The following RPS6KA6 variants were observed in gnomAD, a reference collection of about 807,000 sequenced individuals.
RPS6KA6 encodes the protein ribosomal protein S6 kinase alpha-6.
RPS6KA6 carries 27 observed loss-of-function variants against 65.4 expected under a neutral mutation model. The observed-to-expected ratio is 0.41, with a 90% CI of 0.30 to 0.57. The LOEUF (loss-of-function observed/expected upper bound fraction) is 0.57. RPS6KA6 is among the 20% of genes least tolerant of loss of function. RPS6KA6 has a pLI of 0.24. For missense variants in RPS6KA6, 486 were observed against 555.6 expected (o/e 0.87, Z 1.26); for synonymous variants, 190 against 184.2 (o/e 1.03, Z -0.26).
At chrX:84,076,630 A>T (rs934363849) in intron 20 of RPS6KA6, among the ~76,000 whole-genome samples, 3 of 111,736 alleles carry the variant, frequency 2.7e-5, no homozygotes, top group Non-Finnish European at 5.7e-5. Flanking sequence ...ATCAAACCAG[A>T]AACAAAATGG....
At chrX:84,158,373 C>G (rs1299264464) in intron 2 of RPS6KA6, among the ~76,000 whole-genome samples, 1 of 109,751 alleles carries the variant, frequency 9.1e-6, no homozygotes, top group Admixed American at 9.7e-5. Context: ...TAAAATTAAA[C>G]AATAAGAAAT....
At chrX:84,144,252 C>G (rs1335648923) in intron 6 of RPS6KA6, among the ~76,000 whole-genome samples, 1 of 110,694 alleles carries the variant, frequency 9.0e-6, no homozygotes, top group Non-Finnish European at 1.9e-5. Context: ...AAACTATAGA[C>G]CAGAAGAAAA....
intron 16 of RPS6KA6, 27 bp downstream of exon 16, chrX:84,105,760 C>G (rs2034346998): frequency 1.1e-6 from 1 of 873,884 alleles, no homozygotes; most frequent in East Asian, 3.2e-5. Flanking sequence ...ATTAGCTTAG[C>G]TGATACCTAG....
chrX:84,148,150 A>C (rs771187929), intron 3 of RPS6KA6, 27 bp from the exon 4 acceptor site: 1 of 1,004,328 alleles, frequency 1.0e-6, no homozygotes, highest in East Asian at 3.1e-5. Flanking sequence ...CAAAAAAAAA[A>C]AGGAAAATTC....
Position 84,061,251 on chromosome X carries a change from C to CA in RPS6KA6, c.*3025dup, listed in dbSNP as rs1482054434. On this transcript the variant is annotated 3_prime_UTR_variant, in exon 22 of 22. Transcript: ENST00000262752. ...AGACCTCTATCTAGAAAATACTAGT[C>CA]AATCTGTATGGAAGTTTCTCTGGGC... is the stretch of plus-strand genomic sequence containing the variant. 1 of 112,062 alleles carries CA rather than the reference C, an allele frequency of 8.9e-6. No homozygotes were observed. The highest frequency in any genetic ancestry group is 1.9e-5 in the Non-Finnish European group (1 of 53,125). The allele number at this position is 112,062 out of a possible 1,213,427, so 9.2% of individuals were successfully genotyped here.
Position 84,153,524 on chromosome X carries a change from T to A in RPS6KA6, c.258+2551A>T, listed in dbSNP as rs185602191. Among the ~76,000 whole-genome samples the A allele has an allele frequency of 2.2e-3, 250 of 111,921 alleles. 1 individual carries two copies. The highest frequency in any genetic ancestry group is 4.7e-3 in the Admixed American group (49 of 10,481). ...TGCTTCCTTAAACTACAATTTTAAGTTGACTTTAGCAGGGTTCCCCCACTG... is the reference window on the plus strand; with the variant it reads ...TGCTTCCTTAAACTACAATTTTAAGATGACTTTAGCAGGGTTCCCCCACTG... On this transcript the variant is annotated intron_variant, in intron 3 of 21. Coordinates refer to ENST00000262752, the MANE Select transcript of RPS6KA6 (RefSeq NM_014496.5).
At chrX:84,114,042 G>T (rs751290284) in intron 12 of RPS6KA6, among the ~76,000 whole-genome samples, 14 of 111,394 alleles carry the variant, frequency 1.3e-4, no homozygotes, top group Non-Finnish European at 2.5e-4. Context: ...AACAACAGCC[G>T]CAAAAAGTAA....
At chrX:84,155,442 G>A (rs2035399618) in intron 3 of RPS6KA6, among the ~76,000 whole-genome samples, 1 of 111,375 alleles carries the variant, frequency 9.0e-6, no homozygotes, top group Non-Finnish European at 1.9e-5. Flanking sequence ...ATAAAGGTCA[G>A]GAACCAGACC....
intron 12 of RPS6KA6, among the ~76,000 whole-genome samples, chrX:84,111,091 T>C (rs1442348487): frequency 9.2e-6 from 1 of 108,237 alleles, no homozygotes; most frequent in East Asian, 2.8e-4. Context: ...AGACCATGCA[T>C]AAGAAATAAT....
chrX:84,146,940 G>T lies in RPS6KA6; in HGVS notation c.421+38C>A, dbSNP rs1474786140. On this transcript the variant is annotated intron_variant, in intron 5 of 21. Coordinates refer to ENST00000262752, the MANE Select transcript of RPS6KA6 (RefSeq NM_014496.5). Reference sequence around the variant, plus strand: ...CTCTAATTCCATATTAATAAATAAGGATTAAAATAAATAAAAGAATAAAAA... The same window carrying T: ...CTCTAATTCCATATTAATAAATAAGTATTAAAATAAATAAAAGAATAAAAA... 8 of 745,730 alleles carry T rather than the reference G, an allele frequency of 1.1e-5. No homozygotes were observed. In the East Asian group the frequency reaches 2.5e-4, roughly 23 times the overall value. 61.5% of individuals were successfully genotyped at this position (745,730 alleles called of 1,213,427 possible). A position where few individuals can be genotyped will look rare whatever the true frequency, so the allele number is the denominator to read the frequency against.
At chrX:84,091,622 A>G (rs1053553241) in intron 20 of RPS6KA6, among the ~76,000 whole-genome samples, 1 of 112,089 alleles carries the variant, frequency 8.9e-6, no homozygotes, top group Non-Finnish European at 1.9e-5. Context: ...CCATTGTAGA[A>G]GACAGTGTGG....
chrX:84,098,194 C>T (rs531425589), intron 18 of RPS6KA6, among the ~76,000 whole-genome samples: 37 of 110,928 alleles, frequency 3.3e-4, no homozygotes, highest in South Asian at 7.4e-4. Flanking sequence ...AGTAACTTAC[C>T]CAACATTACA....
intron 11 of RPS6KA6, among the ~76,000 whole-genome samples, chrX:84,116,809 T>C (rs773095244): frequency 9.0e-6 from 1 of 111,398 alleles, no homozygotes; most frequent in Non-Finnish European, 1.9e-5. Flanking sequence ...GGAGAATCTG[T>C]TTATTATTTC....
intron 1 of RPS6KA6, among the ~76,000 whole-genome samples, chrX:84,184,644 A>G (rs958058173): frequency 8.2e-5 from 9 of 109,684 alleles, no homozygotes; most frequent in African/African-American, 3.0e-4. Context: ...AATTAAAACT[A>G]GAAGTTTTTC....
At chrX:84,171,924 C>T (rs890705411) in intron 1 of RPS6KA6, among the ~76,000 whole-genome samples, 8 of 111,047 alleles carry the variant, frequency 7.2e-5, no homozygotes, top group African/African-American at 2.6e-4. Flanking sequence ...TGAGTGAGAA[C>T]ATGTGGTGTT....
At chrX:84,131,785 T>TA (rs2034902931) in intron 8 of RPS6KA6, among the ~76,000 whole-genome samples, 1 of 111,899 alleles carries the variant, frequency 8.9e-6, no homozygotes, top group African/African-American at 3.2e-5. Context: ...AATTTGAAAA[T>TA]AAAAGAAAAT....
Position 84,149,617 on chromosome X carries a change from T to C in RPS6KA6, c.259-1494A>G, listed in dbSNP as rs1051576764. ...GGAGTATTGCCAATGAGCAGTAATATTTTGAGAAATGTCTTTTTTTTTCCC... is the reference window on the plus strand; with the variant it reads ...GGAGTATTGCCAATGAGCAGTAATACTTTGAGAAATGTCTTTTTTTTTCCC... On this transcript the variant is annotated intron_variant, in intron 3 of 21. Transcript: ENST00000262752. 2.7e-5 allele frequency among the ~76,000 whole-genome samples: 3 copies of C among 111,565 alleles called. No homozygotes were observed. In the East Asian group the frequency reaches 8.4e-4, roughly 31 times the overall value.
At chrX:84,171,794 A>G (rs959982127) in intron 1 of RPS6KA6, among the ~76,000 whole-genome samples, 12 of 111,041 alleles carry the variant, frequency 1.1e-4, no homozygotes, top group African/African-American at 3.9e-4. Flanking sequence ...TAAGCTCCAC[A>G]TGCATTAGGT....
intron 1 of RPS6KA6, among the ~76,000 whole-genome samples, chrX:84,164,696 A>C: frequency 8.9e-6 from 1 of 111,840 alleles, no homozygotes; most frequent in Non-Finnish European, 1.9e-5. Flanking sequence ...GTCCCCAACC[A>C]AGTATTTATG....
Sources: gnomAD v4.1 joint callset for allele counts (sites outside exome capture counted in the v4.1 genomes callset) on GRCh38, gnomAD v4.1.1 for gene constraint, MANE v1.5 for transcripts, NCBI Gene and HGNC (gene_info 2026-07-23, HGNC 2026-07-21) for gene names.